NEO1: variants seen among roughly 807,000 people sequenced by gnomAD.
NEO1 encodes the protein neogenin 1.
In NEO1, 63 loss-of-function variants were observed where a neutral mutation model predicts 159.7. That is an observed-to-expected ratio of 0.39 (90% CI 0.32 to 0.49). The LOEUF (loss-of-function observed/expected upper bound fraction) is 0.49. Among genes scored for constraint, NEO1 ranks in the 20% least tolerant of loss-of-function variants. The pLI, the probability that NEO1 is intolerant of heterozygous loss-of-function variation, is 0.85. For synonymous variants in NEO1, 633 were observed against 662.0 expected (o/e 0.96, Z 0.67); for missense variants, 1,615 against 1,831.0 (o/e 0.88, Z 2.15).
At chr15:73,081,398 T>C (rs1184154790) in intron 1 of NEO1, among the ~76,000 whole-genome samples, 2 of 152,184 alleles carry the variant, frequency 1.3e-5, no homozygotes, top group Non-Finnish European at 2.9e-5. Context: ...TATAATGTTC[T>C]GAGGGCCAAT....
At chr15:73,126,350 G>A (rs1338561992) in intron 3 of NEO1, 67 bp from the exon 4 acceptor site, 16 of 1,426,658 alleles carry the variant, frequency 1.1e-5, no homozygotes, top group Non-Finnish European at 1.4e-5. Context: ...GATTATGGGT[G>A]TGAGCCACCA....
chr15:73,147,047 G>A (rs1029343542), intron 5 of NEO1, among the ~76,000 whole-genome samples: 1 of 152,170 alleles, frequency 6.6e-6, no homozygotes, highest in African/African-American at 2.4e-5. Context: ...AGGATATATG[G>A]TTTTTGGAAG....
intron 10 of NEO1, 84 bp from the exon 11 acceptor site, chr15:73,249,498 AT>A: frequency 7.3e-7 from 1 of 1,371,144 alleles, no homozygotes; most frequent in Non-Finnish European, 9.8e-7. Flanking sequence ...CATGTAGAAT[AT>A]AGAATTTGTG....
In NEO1 at chr15:73,126,496, G is replaced by C. The variant is rs766633111; in HGVS notation, c.804G>C (p.Leu268Phe). 2.5e-6 allele frequency: 4 copies of C among 1,613,556 alleles called. No individual in the cohort carries two copies. The South Asian group carries it at 4.4e-5, about 18-fold the overall frequency. The change falls in exon 4 of 29, where the codon TTG becomes TTC. Residue 268 changes from leucine (L) to phenylalanine (F), a missense_variant. Leu to Phe is a conservative substitution (Grantham distance 22). Coordinates refer to ENST00000261908, the MANE Select transcript of NEO1 (RefSeq NM_002499.4). ...GAGTCATTGGTCAGGATGTAGTGTT[G>C]CCATGTGTTGCTTCAGGACTTCCTA... Reference protein sequence around the residue: ...LVRVIGQDVVLPCVASGLPTP... With the variant: ...LVRVIGQDVVFPCVASGLPTP...
At chr15:73,187,880 C>T (rs749665814) in intron 7 of NEO1, among the ~76,000 whole-genome samples, 1 of 152,128 alleles carries the variant, frequency 6.6e-6, no homozygotes, top group East Asian at 1.9e-4. Context: ...GATTTTGGGA[C>T]TGCTATATAT....
intron 1 of NEO1, among the ~76,000 whole-genome samples, chr15:73,111,586 G>A (rs1200169128): frequency 6.6e-6 from 1 of 151,944 alleles, no homozygotes; most frequent in South Asian, 2.1e-4. Flanking sequence ...CACATATAAA[G>A]GTATAATATT....
intron 1 of NEO1, among the ~76,000 whole-genome samples, chr15:73,067,765 C>A (rs1025239569): frequency 6.6e-6 from 1 of 151,618 alleles, no homozygotes; most frequent in African/African-American, 2.4e-5. Context: ...TACAGGCGCC[C>A]GCCACCATGC....
In NEO1 at chr15:73,238,574, A is replaced by C. The variant is rs570270493; in HGVS notation, c.1451+2068A>C. Among the ~76,000 whole-genome samples the C allele has an allele frequency of 1.6e-4, 24 of 151,718 alleles. No individual in the cohort carries two copies. In the South Asian group the frequency reaches 5.0e-3, roughly 31 times the overall value. The stretch of plus-strand genomic sequence containing the variant: ...GGATTAAGAGATAAATATTTTTAAA[A>C]TCTATAAATATATTAGAAGAAAATA... On this transcript the variant is annotated intron_variant, in intron 8 of 28. Transcript: ENST00000261908.
chr15:73,293,507 T>C lies in NEO1; in HGVS notation c.3860T>C (p.Ile1287Thr). The C allele has an allele frequency of 6.2e-7, 1 of 1,614,148 alleles. No individual in the cohort carries two copies. Among genetic ancestry groups the C allele is most frequent in the Non-Finnish European group, 8.5e-7 (1 of 1,180,004 alleles). The change falls in exon 26 of 29, where the codon ATT becomes ACT. Residue 1287 changes from isoleucine (I) to threonine (T), a missense_variant. Ile to Thr is a moderately conservative substitution (Grantham distance 89, BLOSUM62 -1). Coordinates refer to ENST00000261908, the MANE Select transcript of NEO1 (RefSeq NM_002499.4). ...TACCACCCGGGCAGCCCATGGCCCA[T>C]TGGCACATCCATGTCCCTTTCAGAC... ...HLYHPGSPWP[I>T]GTSMSLSDRA...
In NEO1 at chr15:73,266,395, G is replaced by A; in HGVS notation, c.2478G>A (p.Val826=). 2.5e-6 allele frequency: 4 copies of A among 1,612,504 alleles called. No homozygotes were observed. Among genetic ancestry groups the A allele is most frequent in the Non-Finnish European group, 3.4e-6 (4 of 1,179,140 alleles). Residue 826 remains valine (V), a synonymous_variant, in exon 16 of 29, where the codon GTG becomes GTA. Transcript: ENST00000261908. The part of the protein sequence containing the change: ...GEGIPLYESA[V]TRPHTDTSEV... ...GCATCCCCCTGTATGAGAGTGCTGT[G>A]ACCAGGCCTCACACAGGTAAGGTAT...
intron 5 of NEO1, among the ~76,000 whole-genome samples, chr15:73,136,796 G>A (rs1186347433): frequency 1.3e-5 from 2 of 152,102 alleles, no homozygotes; most frequent in Non-Finnish European, 2.9e-5. Flanking sequence ...ACCCTCAAGT[G>A]CTGGCTAGAG....
At chr15:73,199,782 C>T (rs1250831893) in intron 7 of NEO1, among the ~76,000 whole-genome samples, 1 of 152,126 alleles carries the variant, frequency 6.6e-6, no homozygotes, top group African/African-American at 2.4e-5. Context: ...GCCTGTTTAC[C>T]ACACTCTGTA....
intron 5 of NEO1, among the ~76,000 whole-genome samples, chr15:73,148,043 C>T (rs2033070583): frequency 6.6e-6 from 1 of 152,060 alleles, no homozygotes; most frequent in African/African-American, 2.4e-5. Flanking sequence ...GAATTCCTCA[C>T]CTCAAGTGAT....
At chr15:73,189,104 A>C (rs752413356) in intron 7 of NEO1, among the ~76,000 whole-genome samples, 11 of 152,210 alleles carry the variant, frequency 7.2e-5, no homozygotes, top group Non-Finnish European at 1.3e-4. Context: ...CACCCTACCC[A>C]TGCAAAAATA....
At chr15:73,067,867 C>T (rs527422806) in intron 1 of NEO1, among the ~76,000 whole-genome samples, 4 of 152,202 alleles carry the variant, frequency 2.6e-5, no homozygotes, top group African/African-American at 4.8e-5. Context: ...CCACCTGTTT[C>T]GGCCTCCCAA....
chr15:73,244,231 G>GT, intron 8 of NEO1, 113 bp from the exon 9 acceptor site: 1 of 1,217,128 alleles, frequency 8.2e-7, no homozygotes, highest in Non-Finnish European at 1.1e-6. Context: ...TTCATTGTTT[G>GT]AGAGCTAATT....
At chr15:73,185,519 T>C (rs2035870669) in intron 7 of NEO1, among the ~76,000 whole-genome samples, 1 of 152,332 alleles carries the variant, frequency 6.6e-6, no homozygotes, top group East Asian at 1.9e-4. Context: ...GGAACTCTTA[T>C]TCATTGTTGC....
At chr15:73,055,630 G>C (rs1023062057) in intron 1 of NEO1, among the ~76,000 whole-genome samples, 6 of 152,048 alleles carry the variant, frequency 3.9e-5, no homozygotes, top group Non-Finnish European at 8.8e-5. Context: ...CTTGCCACTC[G>C]GTACCTTCAC....
At chr15:73,152,271 C>T (rs915815519) in intron 5 of NEO1, among the ~76,000 whole-genome samples, 4 of 152,178 alleles carry the variant, frequency 2.6e-5, no homozygotes, top group African/African-American at 9.7e-5. Flanking sequence ...CCCCAAGGCT[C>T]TAATCTTCCC....
Sources: allele counts gnomAD v4.1 joint callset (sites outside exome capture counted in the v4.1 genomes callset), GRCh38; gene constraint gnomAD v4.1.1; transcripts MANE v1.5; gene names NCBI Gene and HGNC (gene_info 2026-07-23, HGNC 2026-07-21).